Variants in LDLRAD3 observed in about 807,000 individuals in gnomAD.
LDLRAD3 encodes the protein low density lipoprotein receptor class A domain containing 3.
Under a neutral mutation model 29.4 loss-of-function variants are expected in LDLRAD3, and 20 were observed. The observed-to-expected ratio is 0.68, with a 90% CI of 0.48 to 0.99. The LOEUF (loss-of-function observed/expected upper bound fraction) is 0.99. Ranked by LOEUF, LDLRAD3 falls within the 50% of genes least tolerant of loss-of-function variation. The probability of loss-of-function intolerance (pLI) is 0.00; values close to 1 mark genes in which losing one functional copy is unlikely to be tolerated. For missense variants in LDLRAD3, 420 were observed against 454.3 expected, an observed-to-expected ratio of 0.92 and a Z score of 0.69; for synonymous variants, 157 against 192.7, an observed-to-expected ratio of 0.81 and a Z score of 1.53.
intron 4 of LDLRAD3, among the ~76,000 whole-genome samples, chr11:36,222,458 C>G (rs1272296185): frequency 6.6e-6 from 1 of 152,136 alleles, no homozygotes; most frequent in Non-Finnish European, 1.5e-5. Flanking sequence ...TTGGTACTGA[C>G]TTACCCTCCC....
At chr11:36,193,294 C>T (rs1854983817) in intron 4 of LDLRAD3, among the ~76,000 whole-genome samples, 2 of 152,282 alleles carry the variant, frequency 1.3e-5, no homozygotes, top group South Asian at 2.1e-4. Context: ...TTCCTTTCCA[C>T]AGCTTCTCTC....
At chr11:36,188,466 A>G (rs1854890013) in intron 4 of LDLRAD3, among the ~76,000 whole-genome samples, 1 of 151,550 alleles carries the variant, frequency 6.6e-6, no homozygotes, top group African/African-American at 2.4e-5. Flanking sequence ...ATGGAATTCT[A>G]AGCTGGCACT....
intron 2 of LDLRAD3, among the ~76,000 whole-genome samples, chr11:36,079,644 G>A (rs1383485677): frequency 6.6e-6 from 1 of 152,172 alleles, no homozygotes; most frequent in Non-Finnish European, 1.5e-5. Flanking sequence ...TGTTGCATGG[G>A]TGCAAGAGGC....
At chr11:36,083,583 G>A (rs546653020) in intron 3 of LDLRAD3, among the ~76,000 whole-genome samples, 2 of 152,214 alleles carry the variant, frequency 1.3e-5, no homozygotes, top group African/African-American at 4.8e-5. Flanking sequence ...AAACAAAACT[G>A]TAAGAGAAGA....
At chr11:36,140,325 G>A (rs1009722124) in intron 4 of LDLRAD3, among the ~76,000 whole-genome samples, 5 of 152,046 alleles carry the variant, frequency 3.3e-5, no homozygotes, top group East Asian at 1.9e-4. Context: ...AAGAGGATGC[G>A]CATACGCTCA....
At chr11:36,186,058 A>G (rs1313048382) in intron 4 of LDLRAD3, among the ~76,000 whole-genome samples, 1 of 152,196 alleles carries the variant, frequency 6.6e-6, no homozygotes, top group Non-Finnish European at 1.5e-5. Flanking sequence ...CCTTCCCTGA[A>G]TGAGAGAAAG....
intron 4 of LDLRAD3, among the ~76,000 whole-genome samples, chr11:36,136,308 T>C (rs781380965): frequency 5.9e-5 from 9 of 152,188 alleles, no homozygotes; most frequent in Non-Finnish European, 1.3e-4. Context: ...CTGTTTTTCC[T>C]ATTTCACAAT....
intron 3 of LDLRAD3, among the ~76,000 whole-genome samples, chr11:36,092,327 T>C (rs2133267669): frequency 6.6e-6 from 1 of 152,302 alleles, no homozygotes; most frequent in African/African-American, 2.4e-5. Flanking sequence ...AATTTATGCA[T>C]ATATATGGGG....
At chr11:36,011,834 A>G (rs1851959382) in intron 1 of LDLRAD3, among the ~76,000 whole-genome samples, 2 of 152,170 alleles carry the variant, frequency 1.3e-5, no homozygotes, top group South Asian at 4.1e-4. Flanking sequence ...ACAAACAGAA[A>G]GCACCAGTGC....
intron 4 of LDLRAD3, among the ~76,000 whole-genome samples, chr11:36,186,447 G>T (rs780885598): frequency 3.3e-5 from 5 of 152,144 alleles, no homozygotes; most frequent in Non-Finnish European, 7.4e-5. Flanking sequence ...AATTGACAAT[G>T]GTAGCTGGCT....
chr11:36,228,390 T>TA (rs906599020), intron 5 of LDLRAD3, among the ~76,000 whole-genome samples: 7 of 152,168 alleles, frequency 4.6e-5, no homozygotes, highest in African/African-American at 1.7e-4. Flanking sequence ...CCACCCAGCA[T>TA]AGGGTAAGGT....
chr11:35,974,776 C>T (rs1171535729), intron 1 of LDLRAD3, among the ~76,000 whole-genome samples: 1 of 152,202 alleles, frequency 6.6e-6, no homozygotes, highest in Non-Finnish European at 1.5e-5. Context: ...GGTCACCTTC[C>T]ATTTATGGAT....
intron 2 of LDLRAD3, among the ~76,000 whole-genome samples, chr11:36,037,477 A>C (rs909445261): frequency 9.9e-5 from 15 of 151,956 alleles, no homozygotes; most frequent in African/African-American, 3.6e-4. Flanking sequence ...ACCGTGCCCA[A>C]CTAATTTTTG....
chr11:36,082,797 C>A (rs534270862), intron 3 of LDLRAD3, among the ~76,000 whole-genome samples: 23 of 152,150 alleles, frequency 1.5e-4, no homozygotes, highest in African/African-American at 5.5e-4. Flanking sequence ...AATGACTTTG[C>A]GTACAGCAGC....
At chr11:35,990,054 C>T (rs1004010542) in intron 1 of LDLRAD3, among the ~76,000 whole-genome samples, 1 of 152,074 alleles carries the variant, frequency 6.6e-6, no homozygotes, top group Non-Finnish European at 1.5e-5. Context: ...GGGCCTGATT[C>T]CTCCATTTGT....
At position 35,944,184 on chromosome 11, in the gene LDLRAD3, G is replaced by T; in HGVS notation, c.46+40G>T. On this transcript the variant is annotated intron_variant, in intron 1 of 5. Coordinates refer to ENST00000315571, the MANE Select transcript of LDLRAD3 (RefSeq NM_174902.4). The surrounding 1 kb of genome is among the most constrained non-coding windows in gnomAD (Gnocchi z 4.9). ...GGCCGGCGAACTTCCCGCGGGGCGCGGGGCGCGGGGCGCGGGGCGCAGCGG... is the reference window on the plus strand; with the variant it reads ...GGCCGGCGAACTTCCCGCGGGGCGCTGGGCGCGGGGCGCGGGGCGCAGCGG... 3.2e-6 allele frequency: 3 copies of T among 950,828 alleles called. No individual in the cohort carries two copies. The highest frequency in any genetic ancestry group is 3.8e-6 in the Non-Finnish European group (3 of 797,380). The allele number at this position is 950,828 out of a possible 1,614,324, so 58.9% of individuals were successfully genotyped here.
At chr11:36,080,224 C>T (rs1207522281) in intron 2 of LDLRAD3, among the ~76,000 whole-genome samples, 1 of 152,188 alleles carries the variant, frequency 6.6e-6, no homozygotes, top group African/African-American at 2.4e-5. Flanking sequence ...GGCCTGCTAC[C>T]TGGGATGTAG....
intron 1 of LDLRAD3, among the ~76,000 whole-genome samples, chr11:36,008,475 A>G (rs185905050): frequency 6.6e-6 from 1 of 152,348 alleles, no homozygotes; most frequent in Non-Finnish European, 1.5e-5. Flanking sequence ...CCTTTCTCCC[A>G]GGAGTTTGTT....
chr11:36,073,572 G>C (rs1565203585), intron 2 of LDLRAD3, among the ~76,000 whole-genome samples: 1 of 152,258 alleles, frequency 6.6e-6, no homozygotes. Context: ...GCTGACAGCT[G>C]TTGTCTGGGA....
Sources: allele counts gnomAD v4.1 joint callset (sites outside exome capture counted in the v4.1 genomes callset), GRCh38; gene constraint gnomAD v4.1.1; non-coding constraint Gnocchi (gnomAD v3.1); transcripts MANE v1.5; gene names NCBI Gene and HGNC (gene_info 2026-07-23, HGNC 2026-07-21).